Variants in NDUFAF6 observed in about 807,000 individuals in gnomAD.
The protein encoded by NDUFAF6 is NADH:ubiquinone oxidoreductase complex assembly factor 6.
NDUFAF6 carries 45 observed loss-of-function variants against 40.8 expected under a neutral mutation model. The observed-to-expected ratio is 1.10, with a 90% confidence interval of 0.87 to 1.42. The LOEUF is 1.42. Ranked by LOEUF, NDUFAF6 falls within the 40% of genes most tolerant of loss-of-function variation. NDUFAF6 has a pLI of 0.00. For missense variants in NDUFAF6, 435 were observed against 418.5 expected (o/e 1.04, Z -0.34); for synonymous variants, 185 against 155.9 (o/e 1.19, Z -1.39).
chr8:95,052,013 C>A (rs1831491139), intron 7 of NDUFAF6, among the ~76,000 whole-genome samples, 161 bp from the exon 8 acceptor site: 1 of 152,136 alleles, frequency 6.6e-6, no homozygotes, highest in South Asian at 2.1e-4. Flanking sequence ...TTTCCTGAGT[C>A]CTTTAGGCCT....
Position 94,978,644 on chromosome 8 carries a change from G to T in NDUFAF6, c.-198-2215G>T, listed in dbSNP as rs1190237812. Reference sequence around the variant, plus strand: ...TGGGAGGATCGCTTGAGCCTGGGAGGTCGAGGCTGCAGTGAACCATAGCCA... The same window carrying T: ...TGGGAGGATCGCTTGAGCCTGGGAGTTCGAGGCTGCAGTGAACCATAGCCA... On this transcript the variant is annotated intron_variant, in intron 1 of 9. Coordinates refer to the NDUFAF6 transcript ENST00000396111. Among the ~76,000 whole-genome samples, 6 of 151,938 alleles carry T rather than the reference G, an allele frequency of 3.9e-5. No homozygotes were observed. In the East Asian group the frequency reaches 1.2e-3, roughly 29 times the overall value.
chr8:95,115,048 C>T lies in NDUFAF6; in HGVS notation n.345-488C>T, dbSNP rs1264204390. On this transcript the variant is annotated intron_variant and non_coding_transcript_variant, in intron 4 of 5. Transcript: ENST00000523184. ...CTGCACTCCAGCCTGGGGGATAGAGCGAGACTGTTTAAAAAAAAAAAAAAA... is the reference window on the plus strand; with the variant it reads ...CTGCACTCCAGCCTGGGGGATAGAGTGAGACTGTTTAAAAAAAAAAAAAAA... 7.9e-5 allele frequency among the ~76,000 whole-genome samples: 7 copies of T among 88,982 alleles called. No individual in the cohort carries two copies. The East Asian group carries it at 2.0e-3, about 26-fold the overall frequency. 58.4% of individuals were successfully genotyped at this position (88,982 alleles called of 152,430 possible). A position where few individuals can be genotyped will look rare whatever the true frequency, so the allele number is the denominator to read the frequency against.
intron 3 of NDUFAF6, among the ~76,000 whole-genome samples, chr8:95,039,538 A>G (rs935919362): frequency 6.6e-6 from 1 of 151,354 alleles, no homozygotes; most frequent in Non-Finnish European, 1.5e-5. Flanking sequence ...TTATCCTCCC[A>G]AAGTGCTGGT....
chr8:94,971,430 C>G (rs920102064), intron 1 of NDUFAF6, among the ~76,000 whole-genome samples: 1 of 152,158 alleles, frequency 6.6e-6, no homozygotes, highest in African/African-American at 2.4e-5. Context: ...CTGCTCAGAA[C>G]CACCAGAGTG....
intron 2 of NDUFAF6, among the ~76,000 whole-genome samples, chr8:94,948,904 C>T (rs912435833): frequency 5.9e-5 from 9 of 151,482 alleles, no homozygotes; most frequent in African/African-American, 2.2e-4. Context: ...TCCGCGCCGC[C>T]GCCGCCTCTG....
intron 8 of NDUFAF6, among the ~76,000 whole-genome samples, chr8:95,054,210 GT>G (rs947246505): frequency 1.3e-5 from 2 of 151,988 alleles, no homozygotes; most frequent in African/African-American, 4.8e-5. Context: ...GCCTCTCAAA[GT>G]ATTGGGATTA....
intron 1 of NDUFAF6, chr8:94,941,211 T>A (rs960571997): frequency 3.3e-6 from 1 of 304,086 alleles, no homozygotes; most frequent in African/African-American, 2.1e-5. Flanking sequence ...ATTCTACAGC[T>A]ATTCCCTTTC....
At position 95,004,435 on chromosome 8, in the gene NDUFAF6, G is replaced by C. The variant is rs1045084909; in HGVS notation, c.-84+23462G>C. Among the ~76,000 whole-genome samples, 18 of 142,244 alleles carry C rather than the reference G, an allele frequency of 1.3e-4. No homozygotes were observed. In the East Asian group the frequency reaches 3.4e-3, roughly 26 times the overall value. 93.3% of individuals were successfully genotyped at this position (142,244 alleles called of 152,430 possible). A position where few individuals can be genotyped will look rare whatever the true frequency, so the allele number is the denominator to read the frequency against. On this transcript the variant is annotated intron_variant, in intron 2 of 9. Transcript: ENST00000396111. Reference sequence around the variant, plus strand: ...AGTGGCACAATCACAACTCACTGTAGCCTCAACCTCCTGGGCTCAAGCCTC... The same window carrying C: ...AGTGGCACAATCACAACTCACTGTACCCTCAACCTCCTGGGCTCAAGCCTC...
chr8:94,969,012 T>C (rs1824244258), intron 1 of NDUFAF6, among the ~76,000 whole-genome samples: 1 of 152,182 alleles, frequency 6.6e-6, no homozygotes, highest in South Asian at 2.1e-4. Flanking sequence ...ATCAAGATTT[T>C]GACCATGTTA....
chr8:95,070,540 C>A (rs1384959229), intron 9 of NDUFAF6, among the ~76,000 whole-genome samples: 3 of 151,070 alleles, frequency 2.0e-5, no homozygotes, highest in South Asian at 2.1e-4. Context: ...ATTTTTACTT[C>A]TTCTAACTTC....
intron 2 of NDUFAF6, among the ~76,000 whole-genome samples, chr8:95,013,519 C>A (rs1286939981): frequency 6.6e-6 from 1 of 152,208 alleles, no homozygotes; most frequent in African/African-American, 2.4e-5. Flanking sequence ...AAAGAAGTTT[C>A]AAATTTTAGT....
chr8:95,081,459 C>G (rs2923813), intron 2 of NDUFAF6, among the ~76,000 whole-genome samples: 1 of 152,000 alleles, frequency 6.6e-6, no homozygotes, highest in Non-Finnish European at 1.5e-5. Flanking sequence ...CCTGAGCCAC[C>G]GCGCCTGGCT....
At chr8:94,994,527 C>T (rs1432856873) in intron 2 of NDUFAF6, among the ~76,000 whole-genome samples, 1 of 149,694 alleles carries the variant, frequency 6.7e-6, no homozygotes, top group African/African-American at 2.5e-5. Flanking sequence ...GAAACTCCAT[C>T]TCAAAGGAAA....
chr8:95,112,051 C>T (rs563714071), intron 4 of NDUFAF6, among the ~76,000 whole-genome samples: 10 of 152,198 alleles, frequency 6.6e-5, no homozygotes, highest in South Asian at 6.2e-4. Flanking sequence ...CCAACTATGG[C>T]GGACAGAATA....
chr8:95,057,718 T>C (rs1832362129), intron 8 of NDUFAF6, 91 bp from the exon 9 acceptor site: 1 of 1,033,552 alleles, frequency 9.7e-7, no homozygotes, highest in Non-Finnish European at 1.4e-6. Flanking sequence ...TAAAATAGCC[T>C]AAATACTTGT....
At chr8:94,967,940 CAAAA>C (rs56332377) in intron 1 of NDUFAF6, among the ~76,000 whole-genome samples, 2 of 134,810 alleles carry the variant, frequency 1.5e-5, no homozygotes, top group Non-Finnish European at 1.6e-5. Flanking sequence ...GACTCTGTCT[CAAAA>C]AAAAAAAAAA....
upstream of NDUFAF6, among the ~76,000 whole-genome samples, chr8:95,024,341 G>A (rs892187311): frequency 8.5e-5 from 13 of 152,344 alleles, no homozygotes; most frequent in South Asian, 1.2e-3. Context: ...GGCACTGCCC[G>A]TATGGAACCC....
At chr8:95,036,298 G>T (rs1829494006) in intron 3 of NDUFAF6, 4 of 1,284,210 alleles carry the variant, frequency 3.1e-6, no homozygotes, top group Non-Finnish European at 3.0e-6. Context: ...CTGTTGTAAT[G>T]CAGTGATTGC....
At chr8:95,096,399 C>T (rs902386729), upstream of NDUFAF6, among the ~76,000 whole-genome samples, 22 of 152,200 alleles carry the variant, frequency 1.4e-4, no homozygotes, top group African/African-American at 4.6e-4. Context: ...CTGGCCAGGA[C>T]TCCACAAGTC....
Sources: allele counts gnomAD v4.1 joint callset (sites outside exome capture counted in the v4.1 genomes callset), GRCh38; gene constraint gnomAD v4.1.1; transcripts MANE v1.5; gene names NCBI Gene and HGNC (gene_info 2026-07-23, HGNC 2026-07-21).